The following CCDC40 variants were observed in gnomAD, a reference collection of about 807,000 sequenced individuals.
CCDC40 encodes the protein coiled-coil domain 40 molecular ruler complex subunit.
In CCDC40, 104 loss-of-function variants were observed where a neutral mutation model predicts 124.5. That is an observed-to-expected ratio of 0.84 (90% CI 0.71 to 0.98). The LOEUF is 0.98. Among genes scored for constraint, CCDC40 ranks in the 50% least tolerant of loss-of-function variants. CCDC40 has a pLI of 0.00. For synonymous variants in CCDC40, 580 were observed against 602.9 expected (o/e 0.96, Z 0.56); for missense variants, 1,463 against 1,503.9 (o/e 0.97, Z 0.45).
intron 1 of CCDC40, 25 bp from the exon 2 acceptor site, chr17:80,038,098 T>C (rs1015020873): frequency 1.3e-6 from 2 of 1,539,982 alleles, no homozygotes; most frequent in Non-Finnish European, 9.0e-7. Context: ...TGCTTGAAAC[T>C]GTTCAATTGT....
At chr17:80,075,594 C>T (rs1026040205) in intron 10 of CCDC40, among the ~76,000 whole-genome samples, 49 of 152,138 alleles carry the variant, frequency 3.2e-4, no homozygotes, top group Non-Finnish European at 5.7e-4. Context: ...ACATGCAAAG[C>T]TCAGAGGGTG....
chr17:80,097,303 G>A lies in CCDC40; in HGVS notation c.3080G>A (p.Ser1027Asn), dbSNP rs1308383802. Residue 1027 changes from serine to asparagine, a missense_variant, in exon 19 of 20, where the codon AGC (serine) becomes AAC (asparagine). Ser to Asn is a conservative substitution (Grantham distance 46, BLOSUM62 1). Transcript: ENST00000397545. ...CTGGAAGAAACACAAAGAAATGTGA[G>A]CAGCTCCCTCCTAGAGAAGCAGGAA... ...LELEETQRNV[S>N]SSLLEKQEKL... 6.2e-7 allele frequency: 1 copy of A among 1,613,990 alleles called. No homozygotes were observed. Among genetic ancestry groups the A allele is most frequent in the Non-Finnish European group, 8.5e-7 (1 of 1,180,038 alleles).
intron 3 of CCDC40, among the ~76,000 whole-genome samples, chr17:80,046,939 G>C (rs951791442): frequency 1.3e-5 from 2 of 152,196 alleles, no homozygotes; most frequent in East Asian, 3.9e-4. Flanking sequence ...TCTGCCTCCC[G>C]GGTTCAAGCA....
chr17:80,076,702 A>G (rs917529663), intron 10 of CCDC40, among the ~76,000 whole-genome samples: 3 of 151,954 alleles, frequency 2.0e-5, no homozygotes, highest in Admixed American at 6.6e-5. Context: ...GTATGACTTG[A>G]TAAACACTTA....
intron 5 of CCDC40, 62 bp from the exon 6 acceptor site, chr17:80,049,844 G>T: frequency 1.4e-6 from 2 of 1,469,676 alleles, no homozygotes; most frequent in Non-Finnish European, 1.9e-6. Context: ...CCTGGGCTGA[G>T]CCCTGGGTCG....
At chr17:80,056,176 T>C (rs1253048154) in intron 7 of CCDC40, among the ~76,000 whole-genome samples, 1 of 150,958 alleles carries the variant, frequency 6.6e-6, no homozygotes, top group Non-Finnish European at 1.5e-5. Flanking sequence ...TGGAGATTTT[T>C]TGCATATCTA....
rs1179403119 is a variant in CCDC40 at position 80,040,122 on chromosome 17, A to T, written c.404A>T (p.Glu135Val). 4 of 1,614,140 alleles carry T rather than the reference A, an allele frequency of 2.5e-6. No individual in the cohort carries two copies. The highest frequency in any genetic ancestry group is 3.4e-6 in the Non-Finnish European group (4 of 1,180,024). ...GAGGCATACGATAGTGTTAGCGGGG[A>T]GGCTGGTCTCCAAGGCTTCCAGCAA... The part of the protein sequence containing the change: ...GEEAYDSVSG[E>V]AGLQGFQQEA... The change falls in exon 3 of 20, where the codon GAG (glutamate) becomes GTG (valine). Residue 135 changes from glutamate (E) to valine (V), a missense_variant. By Grantham distance (121) the Glu-to-Val change is moderately radical. Transcript: ENST00000397545.
chr17:80,066,263 C>T lies in CCDC40; in HGVS notation c.1562+657C>T. On this transcript the variant is annotated intron_variant, in intron 10 of 19. Transcript: ENST00000397545. This position sits in a 1 kb window ranked among gnomAD's most constrained non-coding sequence, Gnocchi z 4.4. ...GCCCAGCACAGAGCCTGGCATACAG[C>T]AAGCGCTCAAGAAAGGCTGGACCAA... 1.5e-6 allele frequency: 1 copy of T among 684,816 alleles called. No individual in the cohort carries two copies. 42.4% of individuals were successfully genotyped at this position (684,816 alleles called of 1,614,324 possible). A position where few individuals can be genotyped will look rare whatever the true frequency, so the allele number is the denominator to read the frequency against.
intron 17 of CCDC40, chr17:80,090,900 T>A: frequency 1.3e-6 from 1 of 780,864 alleles, no homozygotes; most frequent in Non-Finnish European, 1.6e-6. Flanking sequence ...ATACCAAATT[T>A]AATTGACTTT....
At chr17:80,055,158 T>C (rs1379855420) in intron 7 of CCDC40, among the ~76,000 whole-genome samples, 1 of 152,148 alleles carries the variant, frequency 6.6e-6, no homozygotes, top group Non-Finnish European at 1.5e-5. Context: ...AAGACTAGAC[T>C]TAAAATCAGG....
chr17:80,049,320 G>A (rs975600676), intron 5 of CCDC40, among the ~76,000 whole-genome samples: 1 of 150,676 alleles, frequency 6.6e-6, no homozygotes, highest in Non-Finnish European at 1.5e-5. Flanking sequence ...CAGGAGAATC[G>A]CTTAAACCCA....
intron 1 of CCDC40, among the ~76,000 whole-genome samples, chr17:80,037,688 A>AAAAAAAAAATATATATATAT: frequency 6.3e-4 from 29 of 45,706 alleles, no homozygotes; most frequent in African/African-American, 1.5e-3. Flanking sequence ...TTTTTTAAAA[A>AAAAAAAAAATATATATATAT]AGATATACAT....
At chr17:80,082,878 T>TA (rs1752429073) in intron 12 of CCDC40, among the ~76,000 whole-genome samples, 1 of 152,218 alleles carries the variant, frequency 6.6e-6, no homozygotes, top group African/African-American at 2.4e-5. Flanking sequence ...ATTCGTCTAT[T>TA]ACGACAATTT....
Position 80,058,761 on chromosome 17 carries a change from G to C in CCDC40, c.1318-97G>C. ...GCTTCCGGCCGGAGGGGTGGCGGCC[G>C]GCCTGGGTGGCGTCAACTTGTATCA... is the stretch of plus-strand genomic sequence containing the variant. On this transcript the variant is annotated intron_variant, in intron 8 of 19. Transcript: ENST00000397545. This position sits in a 1 kb window ranked among gnomAD's most constrained non-coding sequence, Gnocchi z 4.2. 1 of 1,607,122 alleles carries C rather than the reference G, an allele frequency of 6.2e-7. No homozygotes were observed. Among genetic ancestry groups the C allele is most frequent in the Non-Finnish European group, 8.5e-7 (1 of 1,174,230 alleles).
chr17:80,093,883 C>T (rs998274897), intron 17 of CCDC40, among the ~76,000 whole-genome samples: 12 of 152,072 alleles, frequency 7.9e-5, no homozygotes, highest in African/African-American at 2.9e-4. Flanking sequence ...GTCTTCAATA[C>T]CTATTAAAAT....
chr17:80,090,801 A>G, intron 17 of CCDC40: 1 of 1,245,454 alleles, frequency 8.0e-7, no homozygotes, highest in Non-Finnish European at 1.0e-6. Flanking sequence ...AATGGGCCTC[A>G]CTTTCACCAT....
chr17:80,099,234 T>G (rs2038868182), intron 19 of CCDC40, among the ~76,000 whole-genome samples: 1 of 151,008 alleles, frequency 6.6e-6, no homozygotes, highest in East Asian at 1.9e-4. Flanking sequence ...GAGCTTGCAG[T>G]GAGCCGAGAT....
At position 80,081,580 on chromosome 17, in the gene CCDC40, G is replaced by A. The variant is rs370166011; in HGVS notation, c.1597G>A (p.Glu533Lys). 32 of 1,613,776 alleles carry A rather than the reference G, an allele frequency of 2.0e-5. No individual in the cohort carries two copies. The highest frequency in any genetic ancestry group is 2.5e-5 in the Non-Finnish European group (29 of 1,180,050). The part of the protein sequence containing the change: ...CQHQAKSTDG[E>K]IEAYKKSIMK... The stretch of plus-strand genomic sequence containing the variant: ...GCATCAAGCCAAATCCACCGACGGC[G>A]AGATTGAGGCCTATAAGAAATCCAT... Residue 533 changes from glutamate (E) to lysine (K), a missense_variant, in exon 11 of 20, where the codon GAG (glutamate) becomes AAG (lysine). Glu to Lys is a moderately conservative substitution (Grantham distance 56). Coordinates refer to ENST00000397545, the MANE Select transcript of CCDC40 (RefSeq NM_017950.4).
intron 17 of CCDC40, among the ~76,000 whole-genome samples, chr17:80,091,025 C>G (rs1413622670): frequency 6.6e-6 from 1 of 152,220 alleles, no homozygotes; most frequent in Non-Finnish European, 1.5e-5. Flanking sequence ...CCCGGCTCCC[C>G]CTCCTCAGCC....
Sources: allele counts gnomAD v4.1 joint callset (sites outside exome capture counted in the v4.1 genomes callset), GRCh38; gene constraint gnomAD v4.1.1; non-coding constraint Gnocchi (gnomAD v3.1); transcripts MANE v1.5; gene names NCBI Gene and HGNC (gene_info 2026-07-23, HGNC 2026-07-21).